The following FYB1 variants were observed in gnomAD, a reference collection of about 807,000 sequenced individuals.
FYB1 encodes FYN-binding protein 1.
In FYB1, 41 loss-of-function variants were observed where a neutral mutation model predicts 94.1. That is an observed-to-expected ratio of 0.44 (90% CI 0.34 to 0.57). FYB1 has a LOEUF of 0.57. FYB1 is among the 20% of genes least tolerant of loss of function. The pLI, the probability that FYB1 is intolerant of heterozygous loss-of-function variation, is 0.02. For synonymous variants in FYB1, 367 were observed against 353.2 expected (o/e 1.04, Z -0.44); for missense variants, 1,050 against 976.8 (o/e 1.07, Z -1.00).
chr5:39,177,455 C>T (rs1745836826), intron 2 of FYB1, among the ~76,000 whole-genome samples: 1 of 152,156 alleles, frequency 6.6e-6, no homozygotes, highest in Admixed American at 6.6e-5. Context: ...AGTTATTTGT[C>T]CCAGGTCTCC....
chr5:39,266,889 C>A (rs1356556885), intron 1 of FYB1, among the ~76,000 whole-genome samples: 1 of 152,182 alleles, frequency 6.6e-6, no homozygotes, highest in African/African-American at 2.4e-5. Context: ...ATGGACCTGG[C>A]ACACCCCTAA....
At chr5:39,151,567 G>T (rs1008705483) in intron 3 of FYB1, among the ~76,000 whole-genome samples, 4 of 152,152 alleles carry the variant, frequency 2.6e-5, no homozygotes, top group Non-Finnish European at 2.9e-5. Context: ...TGGGATTACA[G>T]GTGTGAGCCA....
intron 2 of FYB1, among the ~76,000 whole-genome samples, chr5:39,179,411 T>G (rs1202122142): frequency 6.6e-6 from 1 of 152,160 alleles, no homozygotes; most frequent in Non-Finnish European, 1.5e-5. Context: ...CTTTTCCATT[T>G]TCAGGAGTCA....
At chr5:39,200,061 T>C (rs1342176484) in intron 2 of FYB1, among the ~76,000 whole-genome samples, 1 of 152,026 alleles carries the variant, frequency 6.6e-6, no homozygotes, top group East Asian at 1.9e-4. Flanking sequence ...GCATCAGATG[T>C]TGAGGGGGTT....
intron 2 of FYB1, among the ~76,000 whole-genome samples, chr5:39,175,605 G>A (rs953400864): frequency 6.6e-5 from 10 of 152,114 alleles, no homozygotes; most frequent in African/African-American, 1.9e-4. Flanking sequence ...CTTTTCATGC[G>A]GGTACATGCT....
chr5:39,194,445 C>T (rs1359353728), intron 2 of FYB1, among the ~76,000 whole-genome samples: 2 of 151,930 alleles, frequency 1.3e-5, no homozygotes, highest in African/African-American at 2.4e-5. Flanking sequence ...GGGATTTGTG[C>T]CCAGGAGTTC....
intron 1 of FYB1, among the ~76,000 whole-genome samples, chr5:39,262,815 A>C (rs1378468489): frequency 6.6e-6 from 1 of 152,220 alleles, no homozygotes; most frequent in Non-Finnish European, 1.5e-5. Flanking sequence ...CATGAAAAAA[A>C]ATCTGGGCAA....
At chr5:39,223,268 G>A (rs2150558122), upstream of FYB1, among the ~76,000 whole-genome samples, 1 of 152,252 alleles carries the variant, frequency 6.6e-6, no homozygotes, top group South Asian at 2.1e-4. Flanking sequence ...CCGTATAGTA[G>A]TAGTATTTTC....
upstream of FYB1, among the ~76,000 whole-genome samples, chr5:39,221,414 G>A (rs1579727286): frequency 1.3e-5 from 2 of 152,214 alleles, no homozygotes; most frequent in African/African-American, 4.8e-5. Flanking sequence ...TCAGTGTTAT[G>A]TTGTGTCTCT....
intron 2 of FYB1, among the ~76,000 whole-genome samples, chr5:39,175,099 G>A (rs1490796341): frequency 6.6e-6 from 1 of 152,168 alleles, no homozygotes; most frequent in Non-Finnish European, 1.5e-5. Flanking sequence ...CAATAAGGAG[G>A]AGGGGAATTG....
At chr5:39,256,988 G>A (rs73749483) in intron 1 of FYB1, among the ~76,000 whole-genome samples, 1 of 152,306 alleles carries the variant, frequency 6.6e-6, no homozygotes, top group African/African-American at 2.4e-5. Context: ...AAACATCTGT[G>A]AAAGTGTTTT....
At chr5:39,182,246 C>T (rs1160956321) in intron 2 of FYB1, among the ~76,000 whole-genome samples, 1 of 151,500 alleles carries the variant, frequency 6.6e-6, no homozygotes, top group African/African-American at 2.4e-5. Context: ...GAACAGAGTG[C>T]AGGTGGCACA....
chr5:39,220,141 G>T (rs554679777), upstream of FYB1, among the ~76,000 whole-genome samples: 4 of 152,186 alleles, frequency 2.6e-5, no homozygotes, highest in South Asian at 8.3e-4. Context: ...GAGTGTAGTG[G>T]GTCATGCCTG....
intron 1 of FYB1, among the ~76,000 whole-genome samples, chr5:39,208,631 G>A (rs1274609894): frequency 3.9e-5 from 6 of 152,240 alleles, no homozygotes; most frequent in Admixed American, 2.6e-4. Flanking sequence ...CTGTGAGGGC[G>A]ATCATGAGTA....
At chr5:39,131,051 G>T (rs10069499) in intron 9 of FYB1, among the ~76,000 whole-genome samples, 3,203 of 152,008 alleles carry the variant, frequency 0.021, 92 homozygotes, top group African/African-American at 0.064. Flanking sequence ...TTTACTCCTA[G>T]TCTAATAGCA....
At chr5:39,203,095 G>A in intron 1 of FYB1, 108 bp from the exon 2 acceptor site, 1 of 891,678 alleles carries the variant, frequency 1.1e-6, no homozygotes, top group Non-Finnish European at 1.7e-6. Flanking sequence ...CAGCGTTGCT[G>A]ATTGGTTAGC....
At chr5:39,111,805 A>G (rs1208252921) in intron 16 of FYB1, among the ~76,000 whole-genome samples, 1 of 151,870 alleles carries the variant, frequency 6.6e-6, no homozygotes, top group Non-Finnish European at 1.5e-5. Flanking sequence ...AAAGTAATGA[A>G]ACATGTGTCA....
intron 2 of FYB1, among the ~76,000 whole-genome samples, chr5:39,177,768 T>A (rs1745872243): frequency 6.6e-6 from 1 of 152,212 alleles, no homozygotes; most frequent in African/African-American, 2.4e-5. Flanking sequence ...TACGTGTGTA[T>A]GCTTTGTGAG....
At chr5:39,269,843 G>A (rs1292448977) in intron 1 of FYB1, 1 of 152,162 alleles carries the variant, frequency 6.6e-6, no homozygotes, top group Non-Finnish European at 1.5e-5. Flanking sequence ...GACAAAGACA[G>A]AAAATTAGCT....
Sources: allele counts gnomAD v4.1 joint callset (sites outside exome capture counted in the v4.1 genomes callset), GRCh38; gene constraint gnomAD v4.1.1; transcripts MANE v1.5; gene names NCBI Gene and HGNC (gene_info 2026-07-23, HGNC 2026-07-21).